The following TRIM33 variants were observed in gnomAD, a reference collection of about 807,000 sequenced individuals.
TRIM33 encodes the protein E3 ubiquitin-protein ligase TRIM33.
TRIM33 carries 20 observed loss-of-function variants against 125.4 expected under a neutral mutation model. That is an observed-to-expected ratio of 0.16 (90% CI 0.11 to 0.23). TRIM33 has a LOEUF of 0.23. Ranked by LOEUF, TRIM33 falls within the 10% of genes least tolerant of loss-of-function variation. The pLI is 1.00. For missense variants in TRIM33, 920 were observed against 1,411.4 expected, an observed-to-expected ratio of 0.65 and a Z score of 5.58; for synonymous variants, 564 against 513.9, an observed-to-expected ratio of 1.10 and a Z score of -1.32.
Position 114,405,625 on chromosome 1 carries a change from CTGTT to C in TRIM33, c.2549_2552del (p.Lys850SerfsTer61). The C allele has an allele frequency of 6.2e-7, 1 of 1,614,182 alleles. No homozygotes were observed. Among genetic ancestry groups the C allele is most frequent in the Non-Finnish European group, 8.5e-7 (1 of 1,180,032 alleles). ...CATTAACAAGGCTGCTGAGCCCTGA[CTGTT>C]TGCAGCTTTCATTCATATCTGCAGG... On this transcript the variant is annotated frameshift_variant, in exon 15 of 20. Coordinates refer to ENST00000358465, the MANE Select transcript of TRIM33 (RefSeq NM_015906.4). LOFTEE classifies it high-confidence loss of function.
rs989133075 is a variant in TRIM33, at chr1:114,396,813, C to T, written c.*835G>A. On this transcript the variant is annotated 3_prime_UTR_variant, in exon 20 of 20. Coordinates refer to ENST00000358465, the MANE Select transcript of TRIM33 (RefSeq NM_015906.4). ...TGTCACCTTCTCAAATTTAAATGTA[C>T]AGAAAACTAGATTAATTTTGAAACA... 4.8e-6 allele frequency: 1 copy of T among 209,540 alleles called. No individual in the cohort carries two copies. Among genetic ancestry groups the T allele is most frequent in the Non-Finnish European group, 9.7e-6 (1 of 103,046 alleles). 13.0% of individuals were successfully genotyped at this position (209,540 alleles called of 1,614,324 possible). A position where few individuals can be genotyped will look rare whatever the true frequency, so the allele number is the denominator to read the frequency against.
At chr1:114,408,408 G>C (rs1017644807) in intron 13 of TRIM33, among the ~76,000 whole-genome samples, 1 of 152,006 alleles carries the variant, frequency 6.6e-6, no homozygotes, top group Non-Finnish European at 1.5e-5. Flanking sequence ...GTGTGATCAT[G>C]GTTCTGTGGT....
intron 1 of TRIM33, among the ~76,000 whole-genome samples, chr1:114,466,618 T>TA (rs1483056103): frequency 6.6e-5 from 10 of 152,160 alleles, no homozygotes; most frequent in African/African-American, 2.2e-4. Flanking sequence ...CTCCAAAACT[T>TA]AGACACCAAG....
intron 4 of TRIM33, among the ~76,000 whole-genome samples, chr1:114,440,979 C>T (rs906815719): frequency 6.6e-6 from 1 of 152,190 alleles, no homozygotes; most frequent in Non-Finnish European, 1.5e-5. Context: ...GTATAAATTA[C>T]GTATCTTGTG....
At chr1:114,481,689 A>ATATATATG (rs1557892321) in intron 1 of TRIM33, among the ~76,000 whole-genome samples, 25 of 142,060 alleles carry the variant, frequency 1.8e-4, no homozygotes, top group African/African-American at 6.4e-4. Context: ...ATATATATAT[A>ATATATATG]TGTGTGTATA....
At chr1:114,433,977 T>TA (rs1428123214) in intron 4 of TRIM33, among the ~76,000 whole-genome samples, 1 of 152,224 alleles carries the variant, frequency 6.6e-6, no homozygotes, top group Non-Finnish European at 1.5e-5. Context: ...GCTCTTATAT[T>TA]AGAGTGTTGA....
At chr1:114,436,496 C>T (rs966991388) in intron 4 of TRIM33, among the ~76,000 whole-genome samples, 1 of 151,474 alleles carries the variant, frequency 6.6e-6, no homozygotes, top group Non-Finnish European at 1.5e-5. Flanking sequence ...GACGGAGTCT[C>T]GCTCTGTCGT....
chr1:114,412,986 T>A (rs551599940), intron 11 of TRIM33, among the ~76,000 whole-genome samples: 1 of 152,332 alleles, frequency 6.6e-6, no homozygotes, highest in African/African-American at 2.4e-5. Context: ...AGGTTCTAGT[T>A]CCTCCACATT....
chr1:114,490,106 A>G (rs1241305881), intron 1 of TRIM33, among the ~76,000 whole-genome samples: 6 of 132,556 alleles, frequency 4.5e-5, no homozygotes, highest in African/African-American at 1.5e-4. Flanking sequence ...AAAAAAAAAG[A>G]AAAGGAAAGG....
chr1:114,507,768 A>AGCAGAATGGTATATAGGAGTT (rs1297704881), intron 1 of TRIM33, among the ~76,000 whole-genome samples: 40 of 152,324 alleles, frequency 2.6e-4, no homozygotes, highest in African/African-American at 9.4e-4. Context: ...TAAAGAGCAA[A>AGCAGAATGGTATATAGGAGTT]GCAGAATGGT....
rs554003407 is a variant in TRIM33 at position 114,425,497 on chromosome 1, T to C, written c.1647A>G (p.Thr549=). 6 of 1,614,148 alleles carry C rather than the reference T, an allele frequency of 3.7e-6. No homozygotes were observed. Among genetic ancestry groups the C allele is most frequent in the Non-Finnish European group, 5.1e-6 (6 of 1,180,002 alleles). The change falls in exon 9 of 20, where the codon ACA becomes ACG. Residue 549 remains threonine, a synonymous_variant. Coordinates refer to ENST00000358465, the MANE Select transcript of TRIM33 (RefSeq NM_015906.4). The part of the protein sequence containing the change: ...PPAPVPTTTT[T]TQQHPRQAAP... ...CTGCTTGTCTAGGATGCTGTTGTGT[T>C]GTTGTTGTTGTAGTTGGTACAGGTG...
intron 1 of TRIM33, among the ~76,000 whole-genome samples, chr1:114,482,676 T>A (rs1490745682): frequency 6.6e-6 from 1 of 152,062 alleles, no homozygotes; most frequent in South Asian, 2.1e-4. Context: ...CGGTGGGAGG[T>A]GATTGGATCA....
At chr1:114,441,253 A>C (rs1394169593) in intron 4 of TRIM33, among the ~76,000 whole-genome samples, 1 of 152,206 alleles carries the variant, frequency 6.6e-6, no homozygotes. Flanking sequence ...CTATGACCAC[A>C]CCACTGCTCT....
intron 1 of TRIM33, among the ~76,000 whole-genome samples, chr1:114,500,909 G>GA (rs1570678933): frequency 6.0e-5 from 8 of 134,190 alleles, no homozygotes; most frequent in South Asian, 2.3e-4. Context: ...AAGAATTTGG[G>GA]GCCGGGCGCG....
chr1:114,472,944 C>T (rs1410715763), intron 1 of TRIM33, among the ~76,000 whole-genome samples: 1 of 151,736 alleles, frequency 6.6e-6, no homozygotes, highest in East Asian at 1.9e-4. Context: ...AAAAAAAATT[C>T]AGAAGGCAGT....
chr1:114,483,537 G>A (rs1017963518), intron 1 of TRIM33, among the ~76,000 whole-genome samples: 2 of 150,812 alleles, frequency 1.3e-5, no homozygotes, highest in African/African-American at 4.9e-5. Flanking sequence ...TCAGCCTCCC[G>A]AGTAGCTGCA....
intron 4 of TRIM33, among the ~76,000 whole-genome samples, chr1:114,436,795 T>C (rs966151494): frequency 3.9e-5 from 6 of 152,176 alleles, no homozygotes; most frequent in Non-Finnish European, 2.9e-5. Context: ...TACTGTTAGA[T>C]AGGGGACCCG....
In TRIM33 at chr1:114,405,566, G is replaced by A. The variant is rs752539788; in HGVS notation, c.2612C>T (p.Ser871Leu). 14 of 1,614,174 alleles carry A rather than the reference G, an allele frequency of 8.7e-6. No homozygotes were observed. The highest frequency in any genetic ancestry group is 1.6e-4 in the Middle Eastern group (1 of 6,062). Residue 871 changes from serine (S) to leucine (L), a missense_variant, in exon 15 of 20, where the codon TCG becomes TTG. By Grantham distance (145) the Ser-to-Leu change is moderately radical. Coordinates refer to ENST00000358465, the MANE Select transcript of TRIM33 (RefSeq NM_015906.4). ...GTTGCCATCTCCTCCAATCCTTGCC[G>A]ACCTGTGCATGAGGCTTCGAATTGG... ...KSPIRSLMHR[S>L]ARIGGDGNNK... is the part of the protein sequence containing the mutation.
At chr1:114,406,256 G>A (rs1299008505) in intron 14 of TRIM33, among the ~76,000 whole-genome samples, 2 of 152,060 alleles carry the variant, frequency 1.3e-5, no homozygotes, top group Non-Finnish European at 2.9e-5. Flanking sequence ...GGATGAAGAC[G>A]TAACAATACT....
Sources: gnomAD v4.1 joint callset for allele counts (sites outside exome capture counted in the v4.1 genomes callset) on GRCh38, gnomAD v4.1.1 for gene constraint, MANE v1.5 for transcripts, NCBI Gene and HGNC (gene_info 2026-07-23, HGNC 2026-07-21) for gene names.